FBXW10B: variants seen among roughly 807,000 people sequenced by gnomAD.
FBXW10B encodes the protein F-box and WD repeat domain containing protein 10B.
At chr17:15,615,822 A>G in the FBXW10B span, 1 of 1,613,834 alleles carries the variant, frequency 6.2e-7, no homozygotes, top group South Asian at 1.1e-5. Context: ...GAAACACAGA[A>G]GACCAAGACA....
chr17:15,590,057 G>T, the FBXW10B span, among the ~76,000 whole-genome samples: 1 of 151,890 alleles, frequency 6.6e-6, no homozygotes, highest in Non-Finnish European at 1.5e-5. Context: ...AAGCGGTGGT[G>T]AGCAAGGAAG....
At chr17:15,605,189 G>A in the FBXW10B span, 219 of 1,589,492 alleles carry the variant, frequency 1.4e-4, 3 homozygotes, top group Non-Finnish European at 1.8e-4. Context: ...GGCCCTAGGT[G>A]GGACAGGGAT....
chr17:15,618,290 T>G, the FBXW10B span, among the ~76,000 whole-genome samples: 1 of 151,802 alleles, frequency 6.6e-6, no homozygotes, highest in Non-Finnish European at 1.5e-5. Context: ...ATCGCACCAC[T>G]GCACTCCAGC....
the FBXW10B span, among the ~76,000 whole-genome samples, chr17:15,579,199 A>T: frequency 2.0e-5 from 3 of 152,010 alleles, no homozygotes; most frequent in Non-Finnish European, 4.4e-5. Context: ...GTGAAACCAC[A>T]ATCTCCACGT....
At chr17:15,612,245 C>G in the FBXW10B span, among the ~76,000 whole-genome samples, 1 of 152,242 alleles carries the variant, frequency 6.6e-6, no homozygotes, top group African/African-American at 2.4e-5. Context: ...CGGTGGCTCA[C>G]GCCTGTAATC....
the FBXW10B span, among the ~76,000 whole-genome samples, chr17:15,610,629 G>A: frequency 1.3e-5 from 2 of 152,292 alleles, no homozygotes; most frequent in Middle Eastern, 3.4e-3. Context: ...CTGGCTGCTT[G>A]TAGTTAGAAG....
the FBXW10B span, chr17:15,566,086 C>G: frequency 1.9e-6 from 3 of 1,607,220 alleles, no homozygotes; most frequent in Non-Finnish European, 2.5e-6. Context: ...CAATCTCAAC[C>G]GATCAACTGC....
the FBXW10B span, among the ~76,000 whole-genome samples, chr17:15,605,902 A>C: frequency 6.8e-6 from 1 of 146,242 alleles, no homozygotes; most frequent in South Asian, 2.3e-4. Flanking sequence ...ATAAATAATT[A>C]TCAGATAAGG....
the FBXW10B span, chr17:15,566,184 C>T: frequency 6.2e-7 from 1 of 1,612,002 alleles, no homozygotes; most frequent in African/African-American, 1.4e-5. Context: ...CTGTTTGGGG[C>T]CTACAGGGAT....
At chr17:15,614,051 A>G in the FBXW10B span, 1 of 1,609,580 alleles carries the variant, frequency 6.2e-7, no homozygotes, top group South Asian at 1.1e-5. Flanking sequence ...GAAGCCGGAG[A>G]AAGGTACGTG....
the FBXW10B span, chr17:15,594,559 T>C: frequency 1.3e-6 from 1 of 779,784 alleles, no homozygotes; most frequent in Non-Finnish European, 2.0e-6. Flanking sequence ...TGGAAGAGGC[T>C]AACAGTCAGA....
At chr17:15,570,091 T>TA in the FBXW10B span, among the ~76,000 whole-genome samples, 1 of 152,208 alleles carries the variant, frequency 6.6e-6, no homozygotes, top group Non-Finnish European at 1.5e-5. Context: ...CTAGCCATTA[T>TA]ACCTGGCAGG....
the FBXW10B span, among the ~76,000 whole-genome samples, chr17:15,615,376 C>T: frequency 7.8e-6 from 1 of 128,640 alleles, no homozygotes; most frequent in Non-Finnish European, 1.5e-5. Flanking sequence ...GGCTGGAGTG[C>T]AGTGGCATGA....
At chr17:15,595,918 C>CTTT in the FBXW10B span, among the ~76,000 whole-genome samples, 24,929 of 140,542 alleles carry the variant, frequency 0.18, 2,623 homozygotes, top group African/African-American at 0.24. Flanking sequence ...ATGCAATACT[C>CTTT]TTTTTTTTTT....
chr17:15,612,734 A>C, the FBXW10B span: 1 of 1,614,076 alleles, frequency 6.2e-7, no homozygotes, highest in Non-Finnish European at 8.5e-7. Context: ...GATGTTTCAC[A>C]CGCATGCTCT....
At chr17:15,617,078 G>C in the FBXW10B span, among the ~76,000 whole-genome samples, 1 of 152,076 alleles carries the variant, frequency 6.6e-6, no homozygotes, top group East Asian at 1.9e-4. Flanking sequence ...CTGGACTTTG[G>C]TCTCCTTATG....
chr17:15,605,593 T>C, the FBXW10B span: 27 of 911,394 alleles, frequency 3.0e-5, no homozygotes, highest in African/African-American at 4.8e-4. Flanking sequence ...CTCTGAGGGA[T>C]CCCCACTCTC....
the FBXW10B span, among the ~76,000 whole-genome samples, chr17:15,611,328 T>C: frequency 4.8e-3 from 737 of 152,254 alleles, 2 homozygotes; most frequent in South Asian, 0.019. Flanking sequence ...GGCCCAGAAA[T>C]GTGTTTTCTT....
At chr17:15,586,769 A>T in the FBXW10B span, among the ~76,000 whole-genome samples, 1 of 151,578 alleles carries the variant, frequency 6.6e-6, no homozygotes, top group Non-Finnish European at 1.5e-5. Flanking sequence ...CTTGGGGGAA[A>T]TATGAAGAAA....
Sources: allele counts gnomAD v4.1 joint callset (sites outside exome capture counted in the v4.1 genomes callset), GRCh38; gene constraint gnomAD v4.1.1; transcripts MANE v1.5; gene names NCBI Gene and HGNC (gene_info 2026-07-23, HGNC 2026-07-21).